Variants in FNIP1 observed in about 807,000 individuals in gnomAD.
FNIP1 encodes folliculin-interacting protein 1.
Under a neutral mutation model 124.5 loss-of-function variants are expected in FNIP1, and 40 were observed. The observed-to-expected ratio is 0.32, with a 90% CI of 0.25 to 0.42. FNIP1 has a LOEUF of 0.42. Among genes scored for constraint, FNIP1 ranks in the 10% least tolerant of loss-of-function variants. The probability of loss-of-function intolerance (pLI) is 1.00; values close to 1 mark genes in which losing one functional copy is unlikely to be tolerated. For synonymous variants in FNIP1, 472 were observed against 470.6 expected (o/e 1.00, Z -0.04); for missense variants, 1,176 against 1,403.7 (o/e 0.84, Z 2.59).
chr5:131,658,766 T>C (rs898138880), intron 15 of FNIP1, among the ~76,000 whole-genome samples: 10 of 151,722 alleles, frequency 6.6e-5, no homozygotes, highest in Admixed American at 4.6e-4. Flanking sequence ...GCAATGCATT[T>C]CACGATATTT....
intron 1 of FNIP1, among the ~76,000 whole-genome samples, chr5:131,754,256 A>AAT (rs1169854831): frequency 1.3e-5 from 2 of 152,250 alleles, no homozygotes; most frequent in African/African-American, 2.4e-5. Flanking sequence ...CATACCATGA[A>AAT]ATGCTCAGTC....
chr5:131,776,859 G>T lies in FNIP1; in HGVS notation c.92+19971C>A, dbSNP rs1378044683. ...GGGTGCTTATTATATATTATATAAAGTGTGTTCACTTTCAGAAACTGTACT... is the reference window on the plus strand; with the variant it reads ...GGGTGCTTATTATATATTATATAAATTGTGTTCACTTTCAGAAACTGTACT... On this transcript the variant is annotated intron_variant, in intron 1 of 17. Coordinates refer to ENST00000510461, the MANE Select transcript of FNIP1 (RefSeq NM_133372.3). Among the ~76,000 whole-genome samples the T allele has an allele frequency of 2.0e-5, 3 of 152,176 alleles. No homozygotes were observed. The South Asian group carries it at 6.2e-4, about 31-fold the overall frequency.
At chr5:131,782,600 AAGGAAGGG>A (rs1191046859) in intron 1 of FNIP1, among the ~76,000 whole-genome samples, 1 of 147,024 alleles carries the variant, frequency 6.8e-6, no homozygotes, top group Non-Finnish European at 1.5e-5. Flanking sequence ...AAGAGAAAGG[AAGGAAGGG>A]AGGGAGGGAG....
chr5:131,697,571 G>A (rs1768742857), intron 11 of FNIP1, among the ~76,000 whole-genome samples: 1 of 152,100 alleles, frequency 6.6e-6, no homozygotes, highest in Non-Finnish European at 1.5e-5. Flanking sequence ...CAAATTTAAA[G>A]AGAAACACTA....
chr5:131,660,370 A>C (rs890644106), intron 15 of FNIP1, among the ~76,000 whole-genome samples: 4 of 151,904 alleles, frequency 2.6e-5, no homozygotes, highest in Non-Finnish European at 4.4e-5. Context: ...AAATAACACC[A>C]CTATTGTGCA....
intron 1 of FNIP1, among the ~76,000 whole-genome samples, chr5:131,784,007 AC>A (rs1772081563): frequency 1.1e-5 from 1 of 89,484 alleles, no homozygotes; most frequent in African/African-American, 3.0e-5. Context: ...TCTGCCCCCA[AC>A]AAAAAAAAAA....
chr5:131,697,050 T>A (rs1402807842), intron 11 of FNIP1, among the ~76,000 whole-genome samples: 5 of 152,184 alleles, frequency 3.3e-5, no homozygotes, highest in Middle Eastern at 3.2e-3. Flanking sequence ...TATATATGTA[T>A]GGCATGCCTA....
chr5:131,793,020 T>C (rs1448335134), intron 1 of FNIP1, among the ~76,000 whole-genome samples: 1 of 152,182 alleles, frequency 6.6e-6, no homozygotes, highest in African/African-American at 2.4e-5. Flanking sequence ...TTTTCAGGAA[T>C]TTTATTTAAA....
intron 1 of FNIP1, among the ~76,000 whole-genome samples, chr5:131,767,465 A>G (rs965247005): frequency 1.7e-4 from 25 of 148,862 alleles, no homozygotes; most frequent in Non-Finnish European, 6.0e-5. Flanking sequence ...AAGAAAAGAA[A>G]TGTTCTTAAG....
intron 17 of FNIP1, among the ~76,000 whole-genome samples, chr5:131,645,309 C>CAAAAAA (rs34663555): frequency 7.5e-6 from 1 of 132,468 alleles, no homozygotes; most frequent in Non-Finnish European, 1.6e-5. Flanking sequence ...GACCCTGTCT[C>CAAAAAA]AAAAAAAAAA....
At chr5:131,792,224 G>A (rs1334767717) in intron 1 of FNIP1, among the ~76,000 whole-genome samples, 74 of 149,902 alleles carry the variant, frequency 4.9e-4, no homozygotes, top group Non-Finnish European at 4.7e-4. Flanking sequence ...GCAATGGCGC[G>A]ATCTCAGCTC....
chr5:131,701,518 A>G (rs1383641535), intron 10 of FNIP1, among the ~76,000 whole-genome samples: 2 of 152,232 alleles, frequency 1.3e-5, no homozygotes, highest in Admixed American at 6.5e-5. Context: ...ATCAGTGTCT[A>G]ACTTAAGAAA....
At chr5:131,740,495 G>T (rs762004276) in intron 2 of FNIP1, among the ~76,000 whole-genome samples, 2 of 152,172 alleles carry the variant, frequency 1.3e-5, no homozygotes, top group Admixed American at 6.5e-5. Flanking sequence ...ACATGTGAAT[G>T]GTCATATAAC....
intron 1 of FNIP1, among the ~76,000 whole-genome samples, chr5:131,751,660 G>A (rs1770876424): frequency 6.6e-6 from 1 of 151,956 alleles, no homozygotes; most frequent in African/African-American, 2.4e-5. Context: ...AACAAAATGT[G>A]GTATGTCAAT....
At chr5:131,764,261 A>C (rs1227782879) in intron 1 of FNIP1, among the ~76,000 whole-genome samples, 4 of 151,778 alleles carry the variant, frequency 2.6e-5, no homozygotes, top group Admixed American at 2.0e-4. Context: ...TAAATCATCA[A>C]ATCTCAGGTA....
chr5:131,731,114 C>T, intron 2 of FNIP1, 76 bp from the exon 3 acceptor site: 1 of 1,404,490 alleles, frequency 7.1e-7, no homozygotes, highest in Non-Finnish European at 9.6e-7. Flanking sequence ...GTATAAAAAC[C>T]TTTGGAAAAA....
At chr5:131,681,403 C>T (rs1200584287) in intron 11 of FNIP1, among the ~76,000 whole-genome samples, 4 of 152,128 alleles carry the variant, frequency 2.6e-5, no homozygotes, top group Admixed American at 2.6e-4. Context: ...TTTGTTACCT[C>T]ATTCTCAACT....
At chr5:131,654,573 T>C (rs905748187) in intron 15 of FNIP1, among the ~76,000 whole-genome samples, 1 of 152,012 alleles carries the variant, frequency 6.6e-6, no homozygotes, top group African/African-American at 2.4e-5. Flanking sequence ...GAGATCAAAA[T>C]AAATACATCT....
Position 131,731,029 on chromosome 5 carries a change from T to C in FNIP1, c.229A>G (p.Ser77Gly). The change falls in exon 3 of 18, where the codon AGT becomes GGT. Residue 77 changes from serine to glycine, a missense_variant. Transcript: ENST00000510461. ...NEDISVSKLG[S>G]DAQVKVFGKC... ...CCAAAGACTTTAACTTGAGCATCAC[T>C]GCCGAGTTTCTGAAATAACAGATAT... The C allele has an allele frequency of 6.2e-7, 1 of 1,606,996 alleles. No homozygotes were observed. Among genetic ancestry groups the C allele is most frequent in the Non-Finnish European group, 8.5e-7 (1 of 1,178,176 alleles).
Sources: gnomAD v4.1 joint callset for allele counts (sites outside exome capture counted in the v4.1 genomes callset) on GRCh38, gnomAD v4.1.1 for gene constraint, MANE v1.5 for transcripts, NCBI Gene and HGNC (gene_info 2026-07-23, HGNC 2026-07-21) for gene names.